RC3H2: variants seen among roughly 807,000 people sequenced by gnomAD.
RC3H2 encodes the protein roquin-2.
A neutral mutation model predicts 133.3 loss-of-function variants in RC3H2; 31 were observed. The ratio of observed to expected loss-of-function variants is 0.23; its 90% confidence interval spans 0.17 to 0.31. The LOEUF is 0.31. Ranked by LOEUF, RC3H2 falls within the 10% of genes least tolerant of loss-of-function variation. The pLI, the probability that RC3H2 is intolerant of heterozygous loss-of-function variation, is 1.00. For missense variants in RC3H2, 1,175 were observed against 1,437.2 expected (o/e 0.82, Z 2.95); for synonymous variants, 517 against 502.2 (o/e 1.03, Z -0.40).
intron 2 of RC3H2, among the ~76,000 whole-genome samples, chr9:122,895,616 AGT>A (rs1832385428): frequency 6.6e-6 from 1 of 152,240 alleles, no homozygotes; most frequent in Admixed American, 6.5e-5. Context: ...TTGATTTCAT[AGT>A]GTGTAACTTG....
intron 1 of RC3H2, among the ~76,000 whole-genome samples, chr9:122,903,636 C>T (rs1335428530): frequency 2.0e-5 from 3 of 152,178 alleles, no homozygotes; most frequent in African/African-American, 7.2e-5. Context: ...CCTCATAGAA[C>T]AAGTGCCTGT....
At chr9:122,878,545 T>C (rs915916683) in intron 8 of RC3H2, among the ~76,000 whole-genome samples, 1 of 151,764 alleles carries the variant, frequency 6.6e-6, no homozygotes, top group Non-Finnish European at 1.5e-5. Context: ...GCTGGGATTA[T>C]AGACATGAGC....
chr9:122,878,923 ATTT>A (rs202108667), intron 8 of RC3H2, among the ~76,000 whole-genome samples: 1 of 131,168 alleles, frequency 7.6e-6, no homozygotes, highest in African/African-American at 2.8e-5. Flanking sequence ...TCATTTTTGT[ATTT>A]TTTTTTTTTT....
chr9:122,887,022 T>G (rs1468638746), intron 4 of RC3H2, among the ~76,000 whole-genome samples: 2 of 152,186 alleles, frequency 1.3e-5, no homozygotes, highest in Non-Finnish European at 2.9e-5. Context: ...TAATGGAAAA[T>G]TTGCCTCACT....
At chr9:122,896,851 C>T (rs1287529367) in intron 2 of RC3H2, among the ~76,000 whole-genome samples, 2 of 151,406 alleles carry the variant, frequency 1.3e-5, no homozygotes, top group Admixed American at 6.6e-5. Flanking sequence ...AGTGAAACCC[C>T]GTCTCTACTA....
chr9:122,880,241 G>T, intron 6 of RC3H2, 116 bp from the exon 7 acceptor site: 1 of 1,161,232 alleles, frequency 8.6e-7, no homozygotes, highest in Non-Finnish European at 1.3e-6. Flanking sequence ...AGATTCCACA[G>T]TAGGAGTATC....
intron 2 of RC3H2, among the ~76,000 whole-genome samples, chr9:122,895,042 C>A (rs994592972): frequency 2.0e-5 from 3 of 152,044 alleles, no homozygotes; most frequent in Non-Finnish European, 2.9e-5. Flanking sequence ...AAAGAGATAA[C>A]AGAATTCACA....
At chr9:122,875,020 C>G in intron 9 of RC3H2, 1 of 799,678 alleles carries the variant, frequency 1.3e-6, no homozygotes, top group South Asian at 3.5e-5. Flanking sequence ...GTCGAACTTT[C>G]TCAAAAGCTC....
At chr9:122,852,728 C>T (rs1830094815) in intron 18 of RC3H2, among the ~76,000 whole-genome samples, 1 of 150,490 alleles carries the variant, frequency 6.6e-6, no homozygotes, top group African/African-American at 2.4e-5. Flanking sequence ...GCCCCTCTGC[C>T]CGGCCAGCCG....
At chr9:122,885,801 T>A (rs1481663060) in intron 4 of RC3H2, among the ~76,000 whole-genome samples, 1 of 152,206 alleles carries the variant, frequency 6.6e-6, no homozygotes, top group Non-Finnish European at 1.5e-5. Context: ...CAGTCACTGT[T>A]CATACACTCT....
chr9:122,877,128 T>C (rs1588088426), intron 9 of RC3H2, among the ~76,000 whole-genome samples: 1 of 152,180 alleles, frequency 6.6e-6, no homozygotes, highest in Non-Finnish European at 1.5e-5. Flanking sequence ...TGGAGTGCAG[T>C]GGTGTGAACA....
intron 1 of RC3H2, chr9:122,897,841 ATT>A (rs1832485265): frequency 5.4e-6 from 1 of 186,540 alleles, no homozygotes; most frequent in Admixed American, 6.0e-5. Context: ...GCTTTTATGT[ATT>A]TTTCTCAACG....
intron 11 of RC3H2, among the ~76,000 whole-genome samples, chr9:122,859,503 T>C (rs1830378319): frequency 6.6e-6 from 1 of 152,172 alleles, no homozygotes; most frequent in Non-Finnish European, 1.5e-5. Context: ...ATGGTAAATA[T>C]CCTTCTAGGG....
intron 9 of RC3H2, among the ~76,000 whole-genome samples, chr9:122,867,877 CG>C (rs1830786965): frequency 1.4e-5 from 1 of 71,308 alleles, no homozygotes; most frequent in Non-Finnish European, 3.2e-5. Flanking sequence ...GCAGCCACCC[CG>C]TCCGGGAGGG....
rs1832799759 is a variant in RC3H2, at chr9:122,905,282, A to G, written c.-240T>C. 4 of 985,644 alleles carry G rather than the reference A, an allele frequency of 4.1e-6. No individual in the cohort carries two copies. The highest frequency in any genetic ancestry group is 4.8e-6 in the Non-Finnish European group (4 of 830,182). The allele number at this position is 985,644 out of a possible 1,614,324, so 61.1% of individuals were successfully genotyped here. A position where few individuals can be genotyped will look rare whatever the true frequency, so the allele number is the denominator to read the frequency against. On this transcript the variant is annotated 5_prime_UTR_variant, in exon 1 of 21. Transcript: ENST00000357244. ...CCCGTTGGCGGCGGCGAAGGCCGCG[A>G]CGGGGCCTCCTCCTCCTCCCTCCAC...
At chr9:122,859,252 C>CTTTTGTTTTTTT (rs1830367672) in intron 11 of RC3H2, 150 bp from the exon 12 acceptor site, 1 of 179,744 alleles carries the variant, frequency 5.6e-6, no homozygotes, top group African/African-American at 4.9e-5. Context: ...TATACCCTGG[C>CTTTTGTTTTTTT]TTTTTTTTTT....
At chr9:122,879,316 C>T (rs1157071353) in intron 8 of RC3H2, among the ~76,000 whole-genome samples, 2 of 151,738 alleles carry the variant, frequency 1.3e-5, no homozygotes, top group South Asian at 4.2e-4. Flanking sequence ...ATCACCTGAA[C>T]TCAGGAGGCA....
rs1487623645 is a variant in RC3H2, at chr9:122,848,365, A to G, written c.*1262T>C. ...AGCTCTTCTTTTCAAATGTTGACTG[A>G]AATTTAGGTTTCAGTACAATACCTC... is the stretch of plus-strand genomic sequence containing the variant. On this transcript the variant is annotated 3_prime_UTR_variant, in exon 21 of 21. Transcript: ENST00000357244. 6.6e-6 allele frequency: 1 copy of G among 152,226 alleles called. No individual in the cohort carries two copies. Among genetic ancestry groups the G allele is most frequent in the Non-Finnish European group, 1.5e-5 (1 of 68,020 alleles). The allele number at this position is 152,226 out of a possible 1,614,324, so 9.4% of individuals were successfully genotyped here.
At chr9:122,895,044 G>T (rs1347884304) in intron 2 of RC3H2, among the ~76,000 whole-genome samples, 1 of 152,018 alleles carries the variant, frequency 6.6e-6, no homozygotes, top group Non-Finnish European at 1.5e-5. Context: ...AGAGATAACA[G>T]AATTCACACT....
Sources: allele counts gnomAD v4.1 joint callset (sites outside exome capture counted in the v4.1 genomes callset), GRCh38; gene constraint gnomAD v4.1.1; transcripts MANE v1.5; gene names NCBI Gene and HGNC (gene_info 2026-07-23, HGNC 2026-07-21).